ARHGEF6: variants seen among roughly 807,000 people sequenced by gnomAD.
The protein encoded by ARHGEF6 is Rac/Cdc42 guanine nucleotide exchange factor 6, also known as rho guanine nucleotide exchange factor 6.
ARHGEF6 carries 9 observed loss-of-function variants against 70.3 expected under a neutral mutation model. The ratio of observed to expected loss-of-function variants is 0.13; its 90% CI spans 0.08 to 0.22. ARHGEF6 has a LOEUF of 0.22. Ranked by LOEUF, ARHGEF6 falls within the 10% of genes least tolerant of loss-of-function variation. The probability of loss-of-function intolerance (pLI) is 1.00; values close to 1 mark genes in which losing one functional copy is unlikely to be tolerated. For missense variants in ARHGEF6, 470 were observed against 563.0 expected, an observed-to-expected ratio of 0.83 and a Z score of 1.67; for synonymous variants, 201 against 207.8, an observed-to-expected ratio of 0.97 and a Z score of 0.28.
Position 136,708,783 on chromosome X carries a change from T to C in ARHGEF6, c.828-13A>G. On this transcript the variant is annotated splice_polypyrimidine_tract_variant and intron_variant, in intron 7 of 21. Coordinates refer to ENST00000250617, the MANE Select transcript of ARHGEF6 (RefSeq NM_004840.3). ...CACAGTACTCAGACTGAAAAAAAAA[T>C]ACAGTACATGTAGTTATCTATTGTA... 1 of 1,114,853 alleles carries C rather than the reference T, an allele frequency of 9.0e-7. No homozygotes were observed. Among genetic ancestry groups the C allele is most frequent in the African/African-American group, 1.8e-5 (1 of 55,868 alleles). The allele number at this position is 1,114,853 out of a possible 1,213,427, so 91.9% of individuals were successfully genotyped here.
chrX:136,715,508 T>TGAGAG (rs2076728053), intron 6 of ARHGEF6, among the ~76,000 whole-genome samples: 1 of 111,082 alleles, frequency 9.0e-6, no homozygotes, highest in Non-Finnish European at 1.9e-5. Flanking sequence ...CTCTTAAATC[T>TGAGAG]GTCAGAAAAG....
intron 6 of ARHGEF6, among the ~76,000 whole-genome samples, chrX:136,717,914 TAAAAC>T (rs1381111110): frequency 9.0e-6 from 1 of 111,009 alleles, no homozygotes; most frequent in Admixed American, 9.6e-5. Flanking sequence ...AATGCTCAAT[TAAAAC>T]AAAAAGCAAA....
At chrX:136,711,188 C>T (rs1603341722) in intron 7 of ARHGEF6, among the ~76,000 whole-genome samples, 1 of 112,160 alleles carries the variant, frequency 8.9e-6, no homozygotes, top group East Asian at 2.8e-4. Flanking sequence ...AGGAAAAGAA[C>T]TCATTAAATC....
At chrX:136,736,618 G>GATGTGTGTATGTGTGT (rs58741198) in intron 5 of ARHGEF6, among the ~76,000 whole-genome samples, 3,812 of 103,679 alleles carry the variant, frequency 0.037, 199 homozygotes, top group African/African-American at 0.12. Context: ...GTTAAAAAGA[G>GATGTGTGTATGTGTGT]GTGTGTGTGT....
intron 5 of ARHGEF6, among the ~76,000 whole-genome samples, chrX:136,733,148 A>C (rs771397928): frequency 1.0e-4 from 11 of 110,509 alleles, no homozygotes; most frequent in Non-Finnish European, 1.3e-4. Flanking sequence ...AAACAATAAA[A>C]ATATGAGACA....
intron 13 of ARHGEF6, 118 bp from the exon 14 acceptor site, chrX:136,682,086 C>A: frequency 1.8e-6 from 1 of 553,032 alleles, no homozygotes; most frequent in Non-Finnish European, 3.1e-6. Context: ...TTTCTCCAGT[C>A]TGTCAATAGA....
chrX:136,770,125 T>C (rs1271172439), intron 2 of ARHGEF6, among the ~76,000 whole-genome samples: 1 of 112,005 alleles, frequency 8.9e-6, no homozygotes, highest in Non-Finnish European at 1.9e-5. Flanking sequence ...CTATCACAAT[T>C]TTACACAGTA....
intron 6 of ARHGEF6, among the ~76,000 whole-genome samples, chrX:136,724,106 G>A (rs1176986491): frequency 9.7e-6 from 1 of 102,680 alleles, no homozygotes; most frequent in Non-Finnish European, 2.0e-5. Flanking sequence ...TTTAGACGGA[G>A]TCTCACTCTG....
At chrX:136,678,816 T>G (rs902526368) in intron 16 of ARHGEF6, among the ~76,000 whole-genome samples, 2 of 111,591 alleles carry the variant, frequency 1.8e-5, no homozygotes, top group Non-Finnish European at 3.8e-5. Context: ...TACTAATAAA[T>G]GAGCATCATT....
At chrX:136,764,472 A>G (rs1270612175) in intron 2 of ARHGEF6, among the ~76,000 whole-genome samples, 1 of 112,475 alleles carries the variant, frequency 8.9e-6, no homozygotes, top group African/African-American at 3.2e-5. Flanking sequence ...TACTACCTGC[A>G]ACAACACGGG....
chrX:136,689,890 T>G (rs2148593040), intron 10 of ARHGEF6, among the ~76,000 whole-genome samples: 1 of 111,474 alleles, frequency 9.0e-6, no homozygotes, highest in South Asian at 3.9e-4. Context: ...TGCTGATTGG[T>G]TTTTCATAAC....
At chrX:136,729,521 T>G (rs1026275733) in intron 6 of ARHGEF6, among the ~76,000 whole-genome samples, 1 of 98,266 alleles carries the variant, frequency 1.0e-5, no homozygotes, top group African/African-American at 3.8e-5. Context: ...ACAAGTATTA[T>G]TGGGGTATAG....
At chrX:136,677,606 CATTTA>C (rs1236096210) in intron 17 of ARHGEF6, among the ~76,000 whole-genome samples, 8 of 110,911 alleles carry the variant, frequency 7.2e-5, no homozygotes, top group African/African-American at 2.3e-4. Context: ...GGAAACAAAT[CATTTA>C]ATTTATTTCA....
At chrX:136,773,082 C>G (rs1439306963) in intron 2 of ARHGEF6, among the ~76,000 whole-genome samples, 1 of 111,208 alleles carries the variant, frequency 9.0e-6, no homozygotes, top group Non-Finnish European at 1.9e-5. Context: ...CCCAGAGGAC[C>G]AGAAGGCAAC....
At chrX:136,754,578 G>A (rs1258877859) in intron 2 of ARHGEF6, among the ~76,000 whole-genome samples, 2 of 40,044 alleles carry the variant, frequency 5.0e-5, no homozygotes, top group Non-Finnish European at 7.0e-5. Flanking sequence ...GCGAAACCCC[G>A]CCTCAAAAAA....
chrX:136,747,555 A>G lies in ARHGEF6; in HGVS notation c.287T>C (p.Phe96Ser). Reference sequence around the variant, plus strand: ...TAAAAGAGTACTCAGTACCTTGGAGAAATTGACCCCTGAATAAAGGTCATC... The same window carrying G: ...TAAAAGAGTACTCAGTACCTTGGAGGAATTGACCCCTGAATAAAGGTCATC... ...DPDDLYSGVN[F>S]SKVLSTLLAV... The change falls in exon 3 of 22, where the codon TTC (phenylalanine) becomes TCC (serine). Residue 96 changes from phenylalanine (F) to serine (S), a missense_variant. Around this residue, in one of 3 missense-constraint regions of ARHGEF6, gnomAD observed 379 missense variants for 449.3 expected, o/e 0.84. Transcript: ENST00000250617. 4.1e-6 allele frequency: 5 copies of G among 1,209,052 alleles called. No homozygotes were observed. Among genetic ancestry groups the G allele is most frequent in the Non-Finnish European group, 5.6e-6 (5 of 893,748 alleles).
chrX:136,719,361 A>C (rs1333886372), intron 6 of ARHGEF6, among the ~76,000 whole-genome samples: 1 of 111,957 alleles, frequency 8.9e-6, no homozygotes, highest in African/African-American at 3.2e-5. Flanking sequence ...ACTAGAAATC[A>C]ATAACAGAAA....
chrX:136,731,338 G>A (rs899258282), intron 6 of ARHGEF6, among the ~76,000 whole-genome samples: 1 of 111,741 alleles, frequency 8.9e-6, no homozygotes, highest in Non-Finnish European at 1.9e-5. Context: ...ATAGAACACT[G>A]GGTAAAAAGT....
intron 21 of ARHGEF6, among the ~76,000 whole-genome samples, chrX:136,668,521 C>CTTA (rs1427684633): frequency 2.0e-5 from 2 of 98,886 alleles, no homozygotes; most frequent in East Asian, 3.0e-4. Flanking sequence ...ATTTCTTCTT[C>CTTA]TTCTTCTTCT....
Sources: gnomAD v4.1 joint callset for allele counts (sites outside exome capture counted in the v4.1 genomes callset) on GRCh38, gnomAD v4.1.1 for gene constraint, gnomAD v4.1.1 regional missense constraint, MANE v1.5 for transcripts, NCBI Gene and HGNC (gene_info 2026-07-23, HGNC 2026-07-21) for gene names.